Variants in PCDHGB3 observed in about 807,000 individuals in gnomAD.
PCDHGB3 encodes protocadherin gamma subfamily B, 3.
In PCDHGB3, 40 loss-of-function variants were observed where a neutral mutation model predicts 59.2. The ratio of observed to expected loss-of-function variants is 0.68; its 90% CI spans 0.52 to 0.88. The LOEUF is 0.88. Ranked by LOEUF, PCDHGB3 falls within the 40% of genes least tolerant of loss-of-function variation. The pLI is 0.00. For synonymous variants in PCDHGB3, 581 were observed against 503.6 expected, an observed-to-expected ratio of 1.15 and a Z score of -2.06; for missense variants, 1,309 against 1,187.9, an observed-to-expected ratio of 1.10 and a Z score of -1.50.
At chr5:141,488,146 A>G (rs1458115635) in intron 1 of PCDHGB3, among the ~76,000 whole-genome samples, 2 of 152,164 alleles carry the variant, frequency 1.3e-5, no homozygotes, top group South Asian at 4.1e-4. Context: ...AACTAAAGGA[A>G]TAGAGAGGCA....
At chr5:141,447,149 T>C (rs2098528211) in intron 1 of PCDHGB3, among the ~76,000 whole-genome samples, 1 of 152,212 alleles carries the variant, frequency 6.6e-6, no homozygotes, top group African/African-American at 2.4e-5. Flanking sequence ...TTTGTTTTTG[T>C]TTTTGTTTAA....
chr5:141,451,521 T>A (rs1164313767), intron 1 of PCDHGB3, among the ~76,000 whole-genome samples: 2 of 152,148 alleles, frequency 1.3e-5, no homozygotes, highest in African/African-American at 4.8e-5. Flanking sequence ...TTAGAGCAAG[T>A]AAAGGAGAGT....
In PCDHGB3 at chr5:141,454,484, G is replaced by A. The variant is rs555881095; in HGVS notation, c.2416-40323G>A. On this transcript the variant is annotated intron_variant, in intron 1 of 3. Transcript: ENST00000576222. The stretch of plus-strand genomic sequence containing the variant: ...TGCAATGGCATGATCTCAGCTCACC[G>A]CAACCTCCACCTCCTGGATTCAGGC... Among the ~76,000 whole-genome samples, 7 of 152,218 alleles carry A rather than the reference G, an allele frequency of 4.6e-5. No individual in the cohort carries two copies. In the East Asian group the frequency reaches 7.7e-4, roughly 17 times the overall value.
intron 1 of PCDHGB3, chr5:141,422,942 G>C (rs199976232): frequency 6.2e-7 from 1 of 1,614,214 alleles, no homozygotes; most frequent in East Asian, 2.2e-5. Flanking sequence ...CCCACAGACG[G>C]CTCCACTGGC....
intron 1 of PCDHGB3, chr5:141,415,512 T>C (rs997659180): frequency 1.9e-6 from 3 of 1,614,234 alleles, no homozygotes; most frequent in Non-Finnish European, 2.5e-6. Context: ...AGCCCAATTA[T>C]GCGGACACGC....
In PCDHGB3 at chr5:141,410,160, C is replaced by T. The variant is rs767993789; in HGVS notation, c.2415+37351C>T. ...GCTGTGCGTGACGGTGGACAGCCGC[C>T]ACTCTCTGCCACCGCCACGCTTCAT... On this transcript the variant is annotated intron_variant, in intron 1 of 3. Transcript: ENST00000576222. 100 of 1,613,580 alleles carry T rather than the reference C, an allele frequency of 6.2e-5. No individual in the cohort carries two copies. In the Middle Eastern group the frequency reaches 2.1e-3, roughly 34 times the overall value.
Position 141,385,038 on chromosome 5 carries a change from G to A in PCDHGB3, c.2415+12229G>A, listed in dbSNP as rs377185831. The A allele has an allele frequency of 7.4e-6, 12 of 1,614,020 alleles. No individual in the cohort carries two copies. The African/African-American group carries it at 1.2e-4, about 16-fold the overall frequency. On this transcript the variant is annotated intron_variant, in intron 1 of 3. Transcript: ENST00000576222. ...TAGCCTTCGTCCTCGTACTGCTGGC[G>A]CTCAGGCTGCGGCGCTGGCACAAGT...
chr5:141,451,745 G>T (rs562443882), intron 1 of PCDHGB3, among the ~76,000 whole-genome samples: 36 of 152,242 alleles, frequency 2.4e-4, no homozygotes, highest in Middle Eastern at 3.4e-3. Context: ...AGCTGGTCTG[G>T]TGGTGCATGC....
rs762530904 is a variant in PCDHGB3, at chr5:141,422,966, C to T, written c.2415+50157C>T. The T allele has an allele frequency of 2.5e-6, 4 of 1,614,112 alleles. No individual in the cohort carries two copies. The East Asian group carries it at 8.9e-5, about 36-fold the overall frequency. ...GGCTCCACTGGCGTGGAGCTGGCGC[C>T]CCGCTCTGCGGAACCTGGCTACCTG... On this transcript the variant is annotated intron_variant, in intron 1 of 3. Coordinates refer to ENST00000576222, the MANE Select transcript of PCDHGB3 (RefSeq NM_018924.5).
chr5:141,399,362 C>T (rs182743080), intron 1 of PCDHGB3: 5 of 1,613,990 alleles, frequency 3.1e-6, no homozygotes, highest in East Asian at 2.2e-5. Context: ...GAGCAAACCC[C>T]GGAGTACAAT....
At chr5:141,387,089 G>T (rs1034064461) in intron 1 of PCDHGB3, among the ~76,000 whole-genome samples, 1 of 152,162 alleles carries the variant, frequency 6.6e-6, no homozygotes, top group African/African-American at 2.4e-5. Flanking sequence ...TGTGATCATC[G>T]AAATGAGAAT....
At chr5:141,393,374 T>A (rs11575958) in intron 1 of PCDHGB3, 1 of 1,613,626 alleles carries the variant, frequency 6.2e-7, no homozygotes, top group Admixed American at 1.7e-5. Context: ...CTGGAGACAA[T>A]GGAGCCATAA....
chr5:141,485,116 G>T lies in PCDHGB3; in HGVS notation c.2416-9691G>T, dbSNP rs904145668. ...TGTCTCCAGCTGCTGTGGCTGTTTGGGGCGGGTCGGCTTCATCCGCGTCTC... is the reference window on the plus strand; with the variant it reads ...TGTCTCCAGCTGCTGTGGCTGTTTGTGGCGGGTCGGCTTCATCCGCGTCTC... On this transcript the variant is annotated intron_variant, in intron 1 of 3. Coordinates refer to ENST00000576222, the MANE Select transcript of PCDHGB3 (RefSeq NM_018924.5). This position sits in a 1 kb window ranked among gnomAD's most constrained non-coding sequence, Gnocchi z 5.7. 3.0e-6 allele frequency: 4 copies of T among 1,312,058 alleles called. No homozygotes were observed. The African/African-American group carries it at 5.8e-5, about 19-fold the overall frequency. 81.3% of individuals were successfully genotyped at this position (1,312,058 alleles called of 1,614,324 possible).
At chr5:141,466,094 C>T (rs1462266046) in intron 1 of PCDHGB3, among the ~76,000 whole-genome samples, 1 of 152,040 alleles carries the variant, frequency 6.6e-6, no homozygotes, top group Non-Finnish European at 1.5e-5. Flanking sequence ...TGCACTCCAG[C>T]CTGGGCAACA....
intron 1 of PCDHGB3, chr5:141,399,680 A>G (rs1182095574): frequency 1.2e-6 from 2 of 1,613,514 alleles, no homozygotes; most frequent in East Asian, 2.2e-5. Context: ...GCCTTTGACT[A>G]CGAGCAGCTG....
In PCDHGB3 at chr5:141,491,129, C is replaced by T; in HGVS notation, c.2416-3678C>T. On this transcript the variant is annotated intron_variant, in intron 1 of 3. Transcript: ENST00000576222. This position sits in a 1 kb window ranked among gnomAD's most constrained non-coding sequence, Gnocchi z 6.9. Reference sequence around the variant, plus strand: ...TCTACACACACTGGTGAGGTGCGCACAGCCCGGGCCTTACTGGAGGATGAC... The same window carrying T: ...TCTACACACACTGGTGAGGTGCGCATAGCCCGGGCCTTACTGGAGGATGAC... 1.2e-6 allele frequency: 2 copies of T among 1,614,172 alleles called. No individual in the cohort carries two copies. The highest frequency in any genetic ancestry group is 1.7e-6 in the Non-Finnish European group (2 of 1,180,012).
intron 1 of PCDHGB3, chr5:141,408,741 T>C: frequency 6.2e-7 from 1 of 1,610,092 alleles, no homozygotes; most frequent in Non-Finnish European, 8.5e-7. Context: ...TATTTTTCAT[T>C]AATGGTTAGA....
In PCDHGB3 at chr5:141,432,854, G is replaced by A. The variant is rs769962088; in HGVS notation, c.2415+60045G>A. 1 of 1,614,192 alleles carries A rather than the reference G, an allele frequency of 6.2e-7. No homozygotes were observed. On this transcript the variant is annotated intron_variant, in intron 1 of 3. Transcript: ENST00000576222. The surrounding 1 kb of genome is among the most constrained non-coding windows in gnomAD (Gnocchi z 6.0). ...TCTGTACCTGGTGGTAGCGGTGGCC[G>A]CGGTCTCCTGCGTCTTCCTGGCCTT...
intron 1 of PCDHGB3, among the ~76,000 whole-genome samples, chr5:141,435,833 A>G (rs1354866725): frequency 6.6e-6 from 1 of 152,112 alleles, no homozygotes; most frequent in Non-Finnish European, 1.5e-5. Flanking sequence ...TTTGCTGCCT[A>G]TCTACTTTGA....
Sources: gnomAD v4.1 joint callset for allele counts (sites outside exome capture counted in the v4.1 genomes callset) on GRCh38, gnomAD v4.1.1 for gene constraint, Gnocchi (gnomAD v3.1) non-coding constraint, MANE v1.5 for transcripts, NCBI Gene and HGNC (gene_info 2026-07-23, HGNC 2026-07-21) for gene names.